The following ZNF687 variants were observed in gnomAD, a reference collection of about 807,000 sequenced individuals.
ZNF687 encodes zinc finger protein 687.
A neutral mutation model predicts 71.8 loss-of-function variants in ZNF687; 13 were observed. The observed-to-expected ratio is 0.18, with a 90% CI of 0.12 to 0.29. The LOEUF is 0.29. Among genes scored for constraint, ZNF687 ranks in the 10% least tolerant of loss-of-function variants. The probability of loss-of-function intolerance (pLI) is 1.00; values close to 1 mark genes in which losing one functional copy is unlikely to be tolerated. For synonymous variants in ZNF687, 673 were observed against 641.6 expected (o/e 1.05, Z -0.74); for missense variants, 1,412 against 1,625.6 (o/e 0.87, Z 2.26).
At position 151,287,702 on chromosome 1, in the gene ZNF687, G is replaced by A; in HGVS notation, c.1411G>A (p.Val471Met). 1 of 1,613,712 alleles carries A rather than the reference G, an allele frequency of 6.2e-7. No individual in the cohort carries two copies. The highest frequency in any genetic ancestry group is 8.5e-7 in the Non-Finnish European group (1 of 1,179,856). The change falls in exon 2 of 9, where the codon GTG becomes ATG. Residue 471 changes from valine to methionine, a missense_variant. Transcript: ENST00000336715. This position sits in a 1 kb window ranked among gnomAD's most constrained non-coding sequence, Gnocchi z 5.0. ...GGQKVNGASV[V>M]MVQPSKTATG... ...ACAGAAGGTGAATGGTGCCTCGGTGGTGATGGTGCAACCTTCAAAGACAGC... is the reference window on the plus strand; with the variant it reads ...ACAGAAGGTGAATGGTGCCTCGGTGATGATGGTGCAACCTTCAAAGACAGC...
chr1:151,282,009 G>C (rs1693731094), upstream of ZNF687: 1 of 1,245,630 alleles, frequency 8.0e-7, no homozygotes, highest in African/African-American at 1.6e-5. Context: ...CTAAGCGACA[G>C]TGGCGGAGGC....
upstream of ZNF687, chr1:151,281,801 G>A (rs1239554486): frequency 8.2e-6 from 3 of 364,178 alleles, no homozygotes; most frequent in African/African-American, 4.3e-5. Flanking sequence ...CAGCGCAAAA[G>A]GACCTACACT....
At chr1:151,281,712 A>G (rs1332262393), upstream of ZNF687, 3 of 424,730 alleles carry the variant, frequency 7.1e-6, no homozygotes, top group Non-Finnish European at 1.5e-5. Flanking sequence ...GGAAATGGTC[A>G]GCGGATGACG....
chr1:151,291,369 A>AT lies in ZNF687; in HGVS notation c.*163dup. 1 of 1,023,784 alleles carries AT rather than the reference A, an allele frequency of 9.8e-7. No homozygotes were observed. The highest frequency in any genetic ancestry group is 1.4e-6 in the Non-Finnish European group (1 of 727,492). 63.4% of individuals were successfully genotyped at this position (1,023,784 alleles called of 1,614,324 possible). A position where few individuals can be genotyped will look rare whatever the true frequency, so the allele number is the denominator to read the frequency against. ...AGAGCATTTGAGGATTATTCTAGTTATTTGCAACCTCCCTTTGGGTTTGGC... is the reference window on the plus strand; with the variant it reads ...AGAGCATTTGAGGATTATTCTAGTTATTTTGCAACCTCCCTTTGGGTTTGGC... On this transcript the variant is annotated 3_prime_UTR_variant, in exon 9 of 9. Coordinates refer to ENST00000336715, the MANE Select transcript of ZNF687 (RefSeq NM_020832.3).
upstream of ZNF687, chr1:151,282,047 G>T (rs1248665065): frequency 2.3e-6 from 3 of 1,282,672 alleles, no homozygotes; most frequent in Non-Finnish European, 2.1e-6. Context: ...CGTAGATGGG[G>T]CAGACGGACC....
At chr1:151,282,453 T>TA (rs1332284879) in intron 1 of ZNF687, 58 bp downstream of exon 1, 31 of 966,220 alleles carry the variant, frequency 3.2e-5, no homozygotes, top group Non-Finnish European at 3.7e-5. Flanking sequence ...GGGGGGCGGG[T>TA]AAATACCCCC....
intron 1 of ZNF687, among the ~76,000 whole-genome samples, chr1:151,282,828 G>T (rs987286796): frequency 5.9e-5 from 9 of 152,028 alleles, no homozygotes; most frequent in Non-Finnish European, 1.3e-4. Context: ...TTGCGCCCCC[G>T]GCCCCCTGCG....
In ZNF687 at chr1:151,289,379, C is replaced by T. The variant is rs762336278; in HGVS notation, c.2473C>T (p.Leu825=). 1.2e-5 allele frequency: 19 copies of T among 1,614,050 alleles called. No individual in the cohort carries two copies. In the South Asian group the frequency reaches 1.5e-4, roughly 13 times the overall value. ...ATGTCTGCACTGTCCTCACTTCAGG[C>T]TGATCTACAAGTGCGCCATGTGCGA... The part of the protein sequence containing the change: ...HPSFQTQQAK[L]IYKCAMCDTV... The change falls in exon 5 of 9, where the codon CTG becomes TTG. Residue 825 remains leucine, a splice_region_variant and synonymous_variant. Coordinates refer to ENST00000336715, the MANE Select transcript of ZNF687 (RefSeq NM_020832.3).
In ZNF687 at chr1:151,291,368, T is replaced by A; in HGVS notation, c.*159T>A. 1 of 1,039,236 alleles carries A rather than the reference T, an allele frequency of 9.6e-7. No individual in the cohort carries two copies. The highest frequency in any genetic ancestry group is 1.3e-6 in the Non-Finnish European group (1 of 741,030). 64.4% of individuals were successfully genotyped at this position (1,039,236 alleles called of 1,614,324 possible). ...AAGAGCATTTGAGGATTATTCTAGT[T>A]ATTTGCAACCTCCCTTTGGGTTTGG... On this transcript the variant is annotated 3_prime_UTR_variant, in exon 9 of 9. Coordinates refer to ENST00000336715, the MANE Select transcript of ZNF687 (RefSeq NM_020832.3).
intron 5 of ZNF687, 56 bp downstream of exon 5, chr1:151,289,596 G>A (rs1694112022): frequency 6.2e-7 from 1 of 1,611,040 alleles, no homozygotes; most frequent in Non-Finnish European, 8.5e-7. Flanking sequence ...CTGGGGCTGG[G>A]GCCACATACT....
chr1:151,291,031 C>A lies in ZNF687; in HGVS notation c.3536C>A (p.Ala1179Asp). The stretch of plus-strand genomic sequence containing the variant: ...GGGCTGGGGGATGGGGAGGAAGAGG[C>A]CCCTCCATCAAGGTCTGACCCCGAT... ...ALGLGDGEEE[A>D]PPSRSDPDGG... Residue 1179 changes from alanine to aspartate, a missense_variant, in exon 9 of 9, where the codon GCC becomes GAC. By Grantham distance (126) the Ala-to-Asp change is moderately radical (BLOSUM62 -2). Coordinates refer to ENST00000336715, the MANE Select transcript of ZNF687 (RefSeq NM_020832.3). 1 of 1,613,842 alleles carries A rather than the reference C, an allele frequency of 6.2e-7. No individual in the cohort carries two copies. The highest frequency in any genetic ancestry group is 8.5e-7 in the Non-Finnish European group (1 of 1,180,006).
chr1:151,288,505 T>G (rs1694054751), intron 2 of ZNF687, 23 bp from the exon 3 acceptor site: 3 of 1,585,924 alleles, frequency 1.9e-6, no homozygotes, highest in South Asian at 1.1e-5. Flanking sequence ...TCACCGACTT[T>G]CCTTGTTTAA....
At chr1:151,289,316 G>C in intron 4 of ZNF687, 45 bp downstream of exon 4, 1 of 1,612,730 alleles carries the variant, frequency 6.2e-7, no homozygotes, top group Non-Finnish European at 8.5e-7. Flanking sequence ...AGGGCTGGTG[G>C]GGCGCAGGAG....
At chr1:151,290,339 G>A in intron 7 of ZNF687, 93 bp from the exon 8 acceptor site, 1 of 1,610,592 alleles carries the variant, frequency 6.2e-7, no homozygotes, top group Non-Finnish European at 8.5e-7. Context: ...GATGGTTGGG[G>A]TCTCCCTCTG....
intron 1 of ZNF687, among the ~76,000 whole-genome samples, chr1:151,282,704 C>T (rs1196733029): frequency 6.6e-6 from 1 of 152,130 alleles, no homozygotes; most frequent in Non-Finnish European, 1.5e-5. Context: ...GATGTCGCGA[C>T]CTAAAATGGT....
intron 3 of ZNF687, 140 bp downstream of exon 3, chr1:151,288,846 A>G: frequency 8.7e-7 from 1 of 1,145,764 alleles, no homozygotes; most frequent in Non-Finnish European, 1.2e-6. Context: ...CTGAGATAGT[A>G]CGTCCTGCCT....
upstream of ZNF687, chr1:151,282,289 G>A (rs904663049): frequency 1.0e-5 from 10 of 1,003,182 alleles, no homozygotes; most frequent in South Asian, 3.0e-4. Context: ...AGGCCGAACC[G>A]GAGAGAAGCA....
rs751066885 is a variant in ZNF687, at chr1:151,289,759, G to C, written c.2716G>C (p.Glu906Gln). ...GALLTPKTEP[E>Q]ELAVSQGGAA... The stretch of plus-strand genomic sequence containing the variant: ...CCTGCTGACCCCCAAGACTGAGCCT[G>C]AGGAGCTGGCTGTTTCTCAGGGAGG... The change falls in exon 6 of 9, where the codon GAG (glutamate) becomes CAG (glutamine). Residue 906 changes from glutamate to glutamine, a missense_variant. Physicochemically the swap from Glu to Gln is conservative, Grantham distance 29. Transcript: ENST00000336715. The C allele has an allele frequency of 1.7e-5, 27 of 1,560,044 alleles. No homozygotes were observed. Among genetic ancestry groups the C allele is most frequent in the African/African-American group, 2.7e-5 (2 of 73,468 alleles).
intron 1 of ZNF687, among the ~76,000 whole-genome samples, chr1:151,284,774 A>T (rs1212441868): frequency 6.9e-6 from 1 of 143,960 alleles, no homozygotes; most frequent in East Asian, 2.0e-4. Flanking sequence ...TGATACATAG[A>T]TCACTTGTGC....
Sources: gnomAD v4.1 joint callset for allele counts (sites outside exome capture counted in the v4.1 genomes callset) on GRCh38, gnomAD v4.1.1 for gene constraint, Gnocchi (gnomAD v3.1) non-coding constraint, MANE v1.5 for transcripts, NCBI Gene and HGNC (gene_info 2026-07-23, HGNC 2026-07-21) for gene names.